PRKCE: variants seen among roughly 807,000 people sequenced by gnomAD.
PRKCE encodes protein kinase C epsilon.
PRKCE carries 16 observed loss-of-function variants against 85.4 expected under a neutral mutation model. The ratio of observed to expected loss-of-function variants is 0.19; its 90% CI spans 0.13 to 0.28. The LOEUF (loss-of-function observed/expected upper bound fraction) is 0.28, where lower values mean the gene tolerates loss of function less well. Among genes scored for constraint, PRKCE ranks in the 10% least tolerant of loss-of-function variants. The pLI is 1.00. For synonymous variants in PRKCE, 388 were observed against 371.5 expected, an observed-to-expected ratio of 1.04 and a Z score of -0.51; for missense variants, 573 against 975.2, an observed-to-expected ratio of 0.59 and a Z score of 5.49.
At chr2:45,735,805 T>C (rs1682009049) in intron 1 of PRKCE, among the ~76,000 whole-genome samples, 1 of 152,024 alleles carries the variant, frequency 6.6e-6, no homozygotes, top group African/African-American at 2.4e-5. Flanking sequence ...AGGCAGGAGG[T>C]AAGGATGAGA....
At chr2:45,839,521 G>A (rs530814178) in intron 1 of PRKCE, among the ~76,000 whole-genome samples, 89 of 152,350 alleles carry the variant, frequency 5.8e-4, no homozygotes, top group Non-Finnish European at 1.1e-3. Context: ...GCAAAGAAGA[G>A]GCTCAGAACT....
intron 2 of PRKCE, among the ~76,000 whole-genome samples, chr2:45,871,768 T>G (rs2105753750): frequency 6.6e-6 from 1 of 152,294 alleles, no homozygotes; most frequent in Admixed American, 6.5e-5. Context: ...ACTGAACTTC[T>G]CCACAGTTCC....
intron 2 of PRKCE, among the ~76,000 whole-genome samples, chr2:45,848,988 C>T (rs1260516815): frequency 6.6e-6 from 1 of 152,130 alleles, no homozygotes; most frequent in Admixed American, 6.5e-5. Context: ...TCATCATTAT[C>T]AAAGACAGCT....
At chr2:45,913,765 C>T (rs766289760) in intron 2 of PRKCE, among the ~76,000 whole-genome samples, 6 of 152,148 alleles carry the variant, frequency 3.9e-5, no homozygotes, top group Non-Finnish European at 8.8e-5. Context: ...AGACATTGTC[C>T]CTGCCATCCA....
chr2:46,172,203 C>T (rs1678977256), intron 14 of PRKCE, among the ~76,000 whole-genome samples: 1 of 152,176 alleles, frequency 6.6e-6, no homozygotes, highest in African/African-American at 2.4e-5. Flanking sequence ...GAGCTGGGCC[C>T]TGCTAGTGTC....
chr2:45,920,476 C>G (rs1428989490), intron 2 of PRKCE, among the ~76,000 whole-genome samples: 1 of 152,122 alleles, frequency 6.6e-6, no homozygotes, highest in Admixed American at 6.5e-5. Context: ...CAGTGTTATT[C>G]ATAATAGCCA....
chr2:46,159,609 A>T lies in PRKCE; in HGVS notation c.1924A>T (p.Met642Leu). 1.9e-6 allele frequency: 3 copies of T among 1,594,338 alleles called. No homozygotes were observed. Among genetic ancestry groups the T allele is most frequent in the Non-Finnish European group, 2.5e-6 (3 of 1,177,390 alleles). ...KEAVSILKAF[M>L]TKNPHKRLGC... ...GACTCTGTCCTCATCCCTGCAGTTC[A>T]TGACGAAGAATCCCCACAAGCGCCT... The change falls in exon 14 of 15, where the codon ATG becomes TTG. Residue 642 changes from methionine (M) to leucine (L), a missense_variant. Physicochemically the swap from Met to Leu is conservative, Grantham distance 15. Transcript: ENST00000306156. This position sits in a 1 kb window ranked among gnomAD's most constrained non-coding sequence, Gnocchi z 4.1.
At chr2:45,955,140 A>G (rs530171251) in intron 2 of PRKCE, among the ~76,000 whole-genome samples, 2 of 152,244 alleles carry the variant, frequency 1.3e-5, no homozygotes, top group Non-Finnish European at 2.9e-5. Flanking sequence ...ATCCAATTCA[A>G]TAGTAAAGAC....
intron 11 of PRKCE, among the ~76,000 whole-genome samples, chr2:46,137,167 T>C (rs1675084525): frequency 6.6e-6 from 1 of 152,086 alleles, no homozygotes; most frequent in Non-Finnish European, 1.5e-5. Flanking sequence ...AGTTAACAGA[T>C]AAGAAAACTG....
intron 10 of PRKCE, among the ~76,000 whole-genome samples, chr2:46,034,832 A>G (rs566426071): frequency 8.5e-5 from 13 of 152,376 alleles, no homozygotes; most frequent in African/African-American, 3.1e-4. Context: ...TCAGAGGCCA[A>G]ACAGTAGCCA....
At chr2:45,875,823 G>A (rs1049699271) in intron 2 of PRKCE, among the ~76,000 whole-genome samples, 3 of 152,188 alleles carry the variant, frequency 2.0e-5, no homozygotes, top group African/African-American at 4.8e-5. Flanking sequence ...CATCACAGAC[G>A]TTTTAGAAAA....
intron 6 of PRKCE, among the ~76,000 whole-genome samples, chr2:45,990,950 C>G (rs764661976): frequency 5.3e-5 from 8 of 151,974 alleles, no homozygotes; most frequent in Admixed American, 3.3e-4. Context: ...GTGTGAGCCA[C>G]TGCACCCAGT....
At chr2:45,718,828 G>A (rs1302712950) in intron 1 of PRKCE, among the ~76,000 whole-genome samples, 1 of 152,114 alleles carries the variant, frequency 6.6e-6, no homozygotes, top group African/African-American at 2.4e-5. Context: ...GGTTTAATCT[G>A]GAGCTCCAAG....
chr2:45,674,588 C>G (rs1409226388), intron 1 of PRKCE: 2 of 152,224 alleles, frequency 1.3e-5, no homozygotes, highest in Non-Finnish European at 2.9e-5. Flanking sequence ...AAATGCTTGT[C>G]TCCCCACTCT....
At chr2:45,900,321 T>C (rs561585385) in intron 2 of PRKCE, among the ~76,000 whole-genome samples, 65 of 152,336 alleles carry the variant, frequency 4.3e-4, no homozygotes, top group Admixed American at 3.5e-3. Flanking sequence ...ACACCAGTGT[T>C]TATAACAGCA....
intron 10 of PRKCE, among the ~76,000 whole-genome samples, chr2:46,012,252 C>A (rs1558958348): frequency 1.3e-5 from 2 of 152,138 alleles, no homozygotes; most frequent in Non-Finnish European, 2.9e-5. Flanking sequence ...AAGATTTTTT[C>A]AAAGTCACCT....
chr2:45,655,252 G>T (rs561692677), intron 1 of PRKCE, among the ~76,000 whole-genome samples: 1 of 152,220 alleles, frequency 6.6e-6, no homozygotes, highest in East Asian at 1.9e-4. Flanking sequence ...CATCAAGCTT[G>T]TCTAACCCAT....
intron 2 of PRKCE, among the ~76,000 whole-genome samples, chr2:45,917,317 A>G (rs541653269): frequency 3.9e-5 from 6 of 152,324 alleles, no homozygotes; most frequent in East Asian, 3.9e-4. Context: ...TGAGCTAGAC[A>G]TAGGGTGCTG....
chr2:45,795,760 A>G (rs776578852), intron 1 of PRKCE, among the ~76,000 whole-genome samples: 3 of 152,022 alleles, frequency 2.0e-5, no homozygotes, highest in African/African-American at 4.8e-5. Context: ...ATTGGCCACT[A>G]TGTTCTTTGC....
Sources: gnomAD v4.1 joint callset for allele counts (sites outside exome capture counted in the v4.1 genomes callset) on GRCh38, gnomAD v4.1.1 for gene constraint, Gnocchi (gnomAD v3.1) non-coding constraint, MANE v1.5 for transcripts, NCBI Gene and HGNC (gene_info 2026-07-23, HGNC 2026-07-21) for gene names.